UGT1A5: variants seen among roughly 807,000 people sequenced by gnomAD.
UGT1A5 encodes UDP glucuronosyltransferase family 1 member A5.
Under a neutral mutation model 40.3 loss-of-function variants are expected in UGT1A5, and 29 were observed. That is an observed-to-expected ratio of 0.72 (90% confidence interval 0.54 to 0.98). UGT1A5 has a LOEUF of 0.98. Ranked by LOEUF, UGT1A5 falls within the 50% of genes least tolerant of loss-of-function variation. The probability of loss-of-function intolerance (pLI) is 0.00; values close to 1 mark genes in which losing one functional copy is unlikely to be tolerated. For synonymous variants in UGT1A5, 257 were observed against 262.5 expected, an observed-to-expected ratio of 0.98 and a Z score of 0.20; for missense variants, 678 against 677.9, an observed-to-expected ratio of 1.00 and a Z score of 0.00.
intron 1 of UGT1A5, chr2:233,743,649 C>G (rs754713764): frequency 8.0e-6 from 11 of 1,367,286 alleles, no homozygotes; most frequent in Non-Finnish European, 1.1e-5. Context: ...AAGCTGAAGA[C>G]GTACTCGAAG....
chr2:233,744,344 C>T (rs1692781957), intron 1 of UGT1A5, among the ~76,000 whole-genome samples: 1 of 151,964 alleles, frequency 6.6e-6, no homozygotes, highest in South Asian at 2.1e-4. Flanking sequence ...CTGACTGGGG[C>T]TGAAGACATC....
At chr2:233,757,541 T>TAC (rs1553619873) in intron 1 of UGT1A5, among the ~76,000 whole-genome samples, 2 of 117,592 alleles carry the variant, frequency 1.7e-5, no homozygotes, top group African/African-American at 7.2e-5. Context: ...AAGGAATATA[T>TAC]ATATATATAT....
At position 233,713,156 on chromosome 2, in the gene UGT1A5, C is replaced by T; in HGVS notation, c.165C>T (p.Gly55=). ...REALRDLHAR[G]HQVVVLTLEV... ...CCTTGCGGGACCTCCATGCGAGAGG[C>T]CACCAGGTGGTGGTCCTCACCCTGG... The change falls in exon 1 of 5, where the codon GGC becomes GGT. Residue 55 remains glycine (G), a synonymous_variant. Coordinates refer to ENST00000373414, the MANE Select transcript of UGT1A5 (RefSeq NM_019078.2). 6.2e-7 allele frequency: 1 copy of T among 1,614,194 alleles called. No individual in the cohort carries two copies.
chr2:233,756,052 G>C (rs1468615948), intron 1 of UGT1A5: 2 of 152,164 alleles, frequency 1.3e-5, no homozygotes, highest in Non-Finnish European at 2.9e-5. Flanking sequence ...AAACTCCACT[G>C]TACACTTGTG....
rs575083074 is a variant in UGT1A5, at chr2:233,732,492, C to T, written c.867+18634C>T. ...ATCTGGAATTAATTTTTGTATAAGGCGTAAGGAAGGGATCCTGTTCCAGCT... is the reference window on the plus strand; with the variant it reads ...ATCTGGAATTAATTTTTGTATAAGGTGTAAGGAAGGGATCCTGTTCCAGCT... On this transcript the variant is annotated intron_variant, in intron 1 of 4. Transcript: ENST00000373414. 1.1e-3 allele frequency among the ~76,000 whole-genome samples: 168 copies of T among 152,214 alleles called. 2 individuals are homozygous for T. Among genetic ancestry groups the T allele is most frequent in the Middle Eastern group, 0.01 (3 of 294 alleles).
In UGT1A5 at chr2:233,740,888, C is replaced by A. The variant is rs557749460; in HGVS notation, c.868-26146C>A. On this transcript the variant is annotated intron_variant, in intron 1 of 4. Coordinates refer to ENST00000373414, the MANE Select transcript of UGT1A5 (RefSeq NM_019078.2). ...TTTAAATAAAATGCTCTTGCAGGGA[C>A]AACATAGTAGGTCAACATTGTTCCC... The A allele has an allele frequency of 9.3e-5, 14 of 150,988 alleles. No individual in the cohort carries two copies. In the East Asian group the frequency reaches 9.7e-4, roughly 10 times the overall value. The allele number at this position is 150,988 out of a possible 1,614,324, so 9.4% of individuals were successfully genotyped here. A position where few individuals can be genotyped will look rare whatever the true frequency, so the allele number is the denominator to read the frequency against.
chr2:233,734,656 T>C (rs2078546605), intron 1 of UGT1A5, among the ~76,000 whole-genome samples: 1 of 152,258 alleles, frequency 6.6e-6, no homozygotes, highest in African/African-American at 2.4e-5. Flanking sequence ...GATTTAATGC[T>C]ATAAATTTCC....
chr2:233,744,006 T>G (rs1476984067), intron 1 of UGT1A5: 1 of 1,159,948 alleles, frequency 8.6e-7, no homozygotes, highest in Non-Finnish European at 1.1e-6. Context: ...CTCGGAGACC[T>G]GGGCCGCCTG....
chr2:233,749,922 T>G (rs1694307540), intron 1 of UGT1A5, among the ~76,000 whole-genome samples: 2 of 151,936 alleles, frequency 1.3e-5, no homozygotes, highest in South Asian at 4.1e-4. Context: ...GTGAGTCAAT[T>G]AAAGCTCTTT....
intron 1 of UGT1A5, chr2:233,721,510 A>T (rs186702704): frequency 1.1e-3 from 179 of 168,498 alleles, no homozygotes; most frequent in African/African-American, 4.2e-3. Context: ...CATTTATTTT[A>T]TGCTGAATTT....
chr2:233,758,177 A>G (rs1696814164), intron 1 of UGT1A5, among the ~76,000 whole-genome samples: 1 of 152,208 alleles, frequency 6.6e-6, no homozygotes, highest in African/African-American at 2.4e-5. Flanking sequence ...TTCAGAGCAG[A>G]TATTAATTGG....
chr2:233,732,187 T>A (rs1208942710), intron 1 of UGT1A5, among the ~76,000 whole-genome samples: 3 of 152,250 alleles, frequency 2.0e-5, no homozygotes, highest in African/African-American at 7.2e-5. Flanking sequence ...ATTCTGGATA[T>A]TAGCCCTTTG....
chr2:233,726,571 G>C (rs949058531), intron 1 of UGT1A5, among the ~76,000 whole-genome samples: 3 of 152,106 alleles, frequency 2.0e-5, no homozygotes, highest in African/African-American at 7.2e-5. Context: ...TCTTACGCCT[G>C]TCTCCTTCAC....
intron 1 of UGT1A5, among the ~76,000 whole-genome samples, chr2:233,726,454 A>C (rs1306425444): frequency 2.6e-5 from 4 of 152,216 alleles, no homozygotes; most frequent in African/African-American, 9.6e-5. Context: ...CACTGAATGT[A>C]AGCTCATTTC....
rs758374226 is a variant in UGT1A5, at chr2:233,713,488, C to G, written c.497C>G (p.Ser166Trp). Residue 166 changes from serine to tryptophan, a missense_variant, in exon 1 of 5, where the codon TCG becomes TGG. Physicochemically the swap from Ser to Trp is radical, Grantham distance 177. Transcript: ENST00000373414. ...LCAAVLAKYL[S>W]IPAVFFLRNI... ...GCGGCGGTGCTGGCTAAGTACCTGTCGATTCCTGCTGTGTTTTTCTTGAGG... is the reference window on the plus strand; with the variant it reads ...GCGGCGGTGCTGGCTAAGTACCTGTGGATTCCTGCTGTGTTTTTCTTGAGG... 6.2e-7 allele frequency: 1 copy of G among 1,613,948 alleles called. No homozygotes were observed. The highest frequency in any genetic ancestry group is 1.1e-5 in the South Asian group (1 of 91,064).
intron 1 of UGT1A5, chr2:233,739,179 C>T (rs1480075812): frequency 1.3e-5 from 2 of 152,348 alleles, no homozygotes; most frequent in East Asian, 3.9e-4. Context: ...TAAGGAAATG[C>T]TTGGATGTCC....
intron 1 of UGT1A5, among the ~76,000 whole-genome samples, chr2:233,731,168 T>A (rs1313291260): frequency 6.6e-6 from 1 of 152,138 alleles, no homozygotes; most frequent in Non-Finnish European, 1.5e-5. Flanking sequence ...AACGACATGA[T>A]TTTTTTATGC....
In UGT1A5 at chr2:233,730,399, T is replaced by C. The variant is rs371215104; in HGVS notation, c.867+16541T>C. On this transcript the variant is annotated intron_variant, in intron 1 of 4. Coordinates refer to ENST00000373414, the MANE Select transcript of UGT1A5 (RefSeq NM_019078.2). ...GGGGAAAGATGATGCAACAGTAAAT[T>C]ACAATTGTTGACATGATAATTTTTA... Among the ~76,000 whole-genome samples, 4 of 152,338 alleles carry C rather than the reference T, an allele frequency of 2.6e-5. No individual in the cohort carries two copies. In the East Asian group the frequency reaches 7.7e-4, roughly 29 times the overall value.
At chr2:233,728,849 G>A (rs1362831575) in intron 1 of UGT1A5, among the ~76,000 whole-genome samples, 2 of 152,182 alleles carry the variant, frequency 1.3e-5, no homozygotes, top group East Asian at 3.8e-4. Context: ...TTGGGAATTG[G>A]ATGAGAAACA....
Sources: allele counts gnomAD v4.1 joint callset (sites outside exome capture counted in the v4.1 genomes callset), GRCh38; gene constraint gnomAD v4.1.1; transcripts MANE v1.5; gene names NCBI Gene and HGNC (gene_info 2026-07-23, HGNC 2026-07-21).